The following PDE4B variants were observed in gnomAD, a reference collection of about 807,000 sequenced individuals.
PDE4B encodes the protein phosphodiesterase 4B, also known as 3',5'-cyclic-AMP phosphodiesterase 4B.
PDE4B carries 20 observed loss-of-function variants against 82.2 expected under a neutral mutation model. The observed-to-expected ratio is 0.24, with a 90% confidence interval of 0.17 to 0.35. The LOEUF (loss-of-function observed/expected upper bound fraction) is 0.35. PDE4B is among the 10% of genes least tolerant of loss of function. The pLI, the probability that PDE4B is intolerant of heterozygous loss-of-function variation, is 1.00. For synonymous variants in PDE4B, 320 were observed against 318.9 expected (o/e 1.00, Z -0.04); for missense variants, 655 against 907.2 (o/e 0.72, Z 3.57).
At chr1:66,262,055 T>A (rs1196555897) in intron 6 of PDE4B, among the ~76,000 whole-genome samples, 1 of 152,218 alleles carries the variant, frequency 6.6e-6, no homozygotes. Flanking sequence ...GTAACTTCTT[T>A]GTATTAACAT....
At chr1:65,821,378 A>T (rs1645950757) in intron 1 of PDE4B, among the ~76,000 whole-genome samples, 1 of 152,188 alleles carries the variant, frequency 6.6e-6, no homozygotes, top group Non-Finnish European at 1.5e-5. Flanking sequence ...GATTTATTCA[A>T]TATTTCTTTG....
At chr1:65,897,545 C>T (rs2100408947) in intron 1 of PDE4B, among the ~76,000 whole-genome samples, 1 of 152,078 alleles carries the variant, frequency 6.6e-6, no homozygotes, top group East Asian at 1.9e-4. Flanking sequence ...GTGTATTTTT[C>T]CCAATGCTTA....
intron 3 of PDE4B, among the ~76,000 whole-genome samples, chr1:66,108,205 G>T (rs1370465126): frequency 1.3e-5 from 2 of 151,792 alleles, no homozygotes; most frequent in Non-Finnish European, 2.9e-5. Flanking sequence ...TTTCACCAGG[G>T]TCTTCCCAAT....
At chr1:65,800,991 T>C (rs61797035) in intron 1 of PDE4B, among the ~76,000 whole-genome samples, 14,471 of 152,270 alleles carry the variant, frequency 0.095, 846 homozygotes, top group South Asian at 0.15. Context: ...GCTATACAAG[T>C]TGGAAAGCAA....
At chr1:66,112,279 C>T (rs1025039506) in intron 3 of PDE4B, among the ~76,000 whole-genome samples, 18 of 151,894 alleles carry the variant, frequency 1.2e-4, no homozygotes, top group African/African-American at 4.4e-4. Context: ...GTATTGCTTG[C>T]TTTTGTACTT....
chr1:66,076,724 A>G (rs1656456618), intron 3 of PDE4B, among the ~76,000 whole-genome samples: 1 of 152,292 alleles, frequency 6.6e-6, no homozygotes, highest in South Asian at 2.1e-4. Context: ...GTGAAATGGT[A>G]TCTCATTGTG....
intron 3 of PDE4B, among the ~76,000 whole-genome samples, chr1:66,102,420 A>T (rs1645245000): frequency 6.6e-6 from 1 of 152,120 alleles, no homozygotes; most frequent in Admixed American, 6.6e-5. Flanking sequence ...TTCTAGCAGC[A>T]CATGGGAAAT....
chr1:65,855,142 G>C (rs866290928), intron 1 of PDE4B, among the ~76,000 whole-genome samples: 1 of 150,196 alleles, frequency 6.7e-6, no homozygotes, highest in Non-Finnish European at 1.5e-5. Flanking sequence ...TATTTAAGCA[G>C]ATATTATATT....
intron 3 of PDE4B, among the ~76,000 whole-genome samples, chr1:65,963,438 C>T (rs1365982488): frequency 6.6e-6 from 1 of 152,204 alleles, no homozygotes; most frequent in Non-Finnish European, 1.5e-5. Context: ...AGGTGTCCCT[C>T]ATTGCACCCC....
intron 3 of PDE4B, among the ~76,000 whole-genome samples, chr1:65,985,164 G>A (rs1265084008): frequency 6.6e-6 from 1 of 152,106 alleles, no homozygotes; most frequent in Non-Finnish European, 1.5e-5. Context: ...ACATTGATAT[G>A]TATTATGTAC....
intron 8 of PDE4B, among the ~76,000 whole-genome samples, chr1:66,349,339 T>C (rs1464464965): frequency 6.6e-6 from 1 of 152,184 alleles, no homozygotes; most frequent in Non-Finnish European, 1.5e-5. Context: ...TGTTTTTCGT[T>C]GTATACTTAC....
At chr1:66,194,563 C>T (rs1312197629) in intron 3 of PDE4B, among the ~76,000 whole-genome samples, 1 of 150,594 alleles carries the variant, frequency 6.6e-6, no homozygotes, top group African/African-American at 2.4e-5. Flanking sequence ...AACTCCTTTA[C>T]ATTTCTACTC....
chr1:66,044,221 T>C (rs1570072427), intron 3 of PDE4B, among the ~76,000 whole-genome samples: 1 of 151,722 alleles, frequency 6.6e-6, no homozygotes, highest in South Asian at 2.1e-4. Context: ...GTTTTAAACA[T>C]ACTGCTTTCT....
chr1:66,330,110 A>C (rs1029007386), intron 7 of PDE4B, among the ~76,000 whole-genome samples: 2 of 152,250 alleles, frequency 1.3e-5, no homozygotes, highest in Admixed American at 1.3e-4. Context: ...GGAAGACTAT[A>C]AAGTGGACAC....
chr1:65,876,025 T>G (rs886972605), intron 1 of PDE4B, among the ~76,000 whole-genome samples: 1 of 152,142 alleles, frequency 6.6e-6, no homozygotes, highest in Non-Finnish European at 1.5e-5. Flanking sequence ...TCAATTGCTT[T>G]ATTTATTTTC....
At chr1:66,252,509 T>C (rs1653864880) in intron 4 of PDE4B, among the ~76,000 whole-genome samples, 1 of 152,182 alleles carries the variant, frequency 6.6e-6, no homozygotes. Flanking sequence ...GGGCAAATCA[T>C]CCAAAGCAAA....
intron 7 of PDE4B, among the ~76,000 whole-genome samples, chr1:66,316,910 A>C (rs1659066308): frequency 6.6e-6 from 1 of 152,226 alleles, no homozygotes; most frequent in African/African-American, 2.4e-5. Flanking sequence ...TTTACAAACC[A>C]GGGGAAATTA....
intron 9 of PDE4B, among the ~76,000 whole-genome samples, chr1:66,355,990 C>A (rs1223738447): frequency 3.3e-5 from 5 of 152,134 alleles, no homozygotes; most frequent in Admixed American, 6.5e-5. Context: ...GACATGGTAG[C>A]CTTTCACTTC....
intron 1 of PDE4B, among the ~76,000 whole-genome samples, chr1:65,895,395 T>C (rs900643444): frequency 1.3e-5 from 2 of 151,546 alleles, no homozygotes; most frequent in Non-Finnish European, 1.5e-5. Context: ...ACTGAAAATA[T>C]GAAAATTAGC....
Sources: allele counts gnomAD v4.1 joint callset (sites outside exome capture counted in the v4.1 genomes callset), GRCh38; gene constraint gnomAD v4.1.1; transcripts MANE v1.5; gene names NCBI Gene and HGNC (gene_info 2026-07-23, HGNC 2026-07-21).